MAGI1: variants seen among roughly 807,000 people sequenced by gnomAD.
The protein encoded by MAGI1 is membrane-associated guanylate kinase, WW and PDZ domain-containing protein 1.
Under a neutral mutation model 139.9 loss-of-function variants are expected in MAGI1, and 58 were observed. The ratio of observed to expected loss-of-function variants is 0.41; its 90% CI spans 0.34 to 0.52. The LOEUF (loss-of-function observed/expected upper bound fraction) is 0.52. Among genes scored for constraint, MAGI1 ranks in the 20% least tolerant of loss-of-function variants. The pLI is 0.12. For synonymous variants in MAGI1, 812 were observed against 737.9 expected, an observed-to-expected ratio of 1.10 and a Z score of -1.63; for missense variants, 1,874 against 1,901.6, an observed-to-expected ratio of 0.99 and a Z score of 0.27.
intron 2 of MAGI1, among the ~76,000 whole-genome samples, chr3:65,581,410 C>T (rs1559690704): frequency 6.6e-6 from 1 of 152,028 alleles, no homozygotes; most frequent in Non-Finnish European, 1.5e-5. Context: ...GCTCAAAAAC[C>T]CAAAAACCTA....
chr3:65,913,837 TACC>T (rs2061776776), intron 1 of MAGI1, among the ~76,000 whole-genome samples: 1 of 152,022 alleles, frequency 6.6e-6, no homozygotes, highest in Non-Finnish European at 1.5e-5. Flanking sequence ...GTGAGTAGAG[TACC>T]ATGGAGGAAT....
chr3:66,032,512 G>A (rs575093877), intron 1 of MAGI1, among the ~76,000 whole-genome samples: 228 of 148,066 alleles, frequency 1.5e-3, no homozygotes, highest in African/African-American at 4.5e-3. Flanking sequence ...GAGCCACCAC[G>A]CCTGGCCCTG....
At chr3:65,448,618 A>G (rs1948820303) in intron 6 of MAGI1, among the ~76,000 whole-genome samples, 1 of 152,102 alleles carries the variant, frequency 6.6e-6, no homozygotes, top group African/African-American at 2.4e-5. Context: ...TCAAGATAAA[A>G]TATATCAAAG....
chr3:65,432,980 C>T (rs2107359071), intron 10 of MAGI1, among the ~76,000 whole-genome samples: 1 of 152,228 alleles, frequency 6.6e-6, no homozygotes, highest in Non-Finnish European at 1.5e-5. Context: ...TAGCATTTAC[C>T]ACCTTCCAAA....
chr3:65,398,368 G>A (rs1944562830), intron 13 of MAGI1, among the ~76,000 whole-genome samples: 1 of 152,132 alleles, frequency 6.6e-6, no homozygotes, highest in African/African-American at 2.4e-5. Flanking sequence ...AGGCATGGTG[G>A]TGCATACCTA....
At chr3:65,704,906 T>C (rs1433401743) in intron 1 of MAGI1, among the ~76,000 whole-genome samples, 1 of 152,104 alleles carries the variant, frequency 6.6e-6, no homozygotes, top group Non-Finnish European at 1.5e-5. Context: ...ATCCCTATTT[T>C]CCTTCTAGAC....
chr3:65,729,444 T>G (rs957195047), intron 1 of MAGI1, among the ~76,000 whole-genome samples: 21 of 152,198 alleles, frequency 1.4e-4, no homozygotes, highest in African/African-American at 4.3e-4. Flanking sequence ...CTATGCACAG[T>G]AGACAATATA....
At chr3:65,363,742 T>A in intron 20 of MAGI1, 134 bp from the exon 21 acceptor site, 1 of 691,566 alleles carries the variant, frequency 1.4e-6, no homozygotes, top group Admixed American at 3.0e-5. Context: ...TCTTGATTCA[T>A]CCTCATTAAT....
intron 2 of MAGI1, among the ~76,000 whole-genome samples, chr3:65,498,075 G>A (rs1330669835): frequency 3.3e-5 from 5 of 152,066 alleles, no homozygotes; most frequent in South Asian, 4.1e-4. Flanking sequence ...AGGGGACCCC[G>A]CCTTCTCTTT....
chr3:65,771,320 A>C (rs2037938396), intron 1 of MAGI1, among the ~76,000 whole-genome samples: 1 of 152,010 alleles, frequency 6.6e-6, no homozygotes, highest in Non-Finnish European at 1.5e-5. Context: ...GTCTCAAAAA[A>C]AAAAAAAGAA....
intron 2 of MAGI1, among the ~76,000 whole-genome samples, chr3:65,594,613 CAG>C (rs1466590792): frequency 2.6e-5 from 4 of 152,094 alleles, no homozygotes; most frequent in African/African-American, 9.7e-5. Context: ...CAGAGGGTGT[CAG>C]TATGACTGCG....
intron 2 of MAGI1, among the ~76,000 whole-genome samples, chr3:65,612,336 T>C (rs1301808119): frequency 6.6e-6 from 1 of 152,092 alleles, no homozygotes; most frequent in African/African-American, 2.4e-5. Context: ...CAGCTTGTCA[T>C]TTGTCCTCTC....
chr3:65,744,381 C>T (rs2035521414), intron 1 of MAGI1, among the ~76,000 whole-genome samples: 1 of 152,156 alleles, frequency 6.6e-6, no homozygotes. Flanking sequence ...CCTCCGAGGG[C>T]CCAAAGTATA....
At chr3:65,968,705 T>C (rs1452011592) in intron 1 of MAGI1, among the ~76,000 whole-genome samples, 2 of 152,062 alleles carry the variant, frequency 1.3e-5, no homozygotes, top group African/African-American at 4.8e-5. Context: ...GAAGTCAGGA[T>C]ATTAGAGACT....
intron 1 of MAGI1, among the ~76,000 whole-genome samples, chr3:65,969,356 G>A (rs919524803): frequency 3.3e-5 from 5 of 152,148 alleles, no homozygotes; most frequent in African/African-American, 1.2e-4. Flanking sequence ...TTAGGGGCTG[G>A]GGGGTGGCTG....
Position 65,586,208 on chromosome 3 carries a change from T to TA in MAGI1, c.430+35763dup, listed in dbSNP as rs1289026194. 2.5e-3 allele frequency among the ~76,000 whole-genome samples: 352 copies of TA among 139,796 alleles called. 1 individual carries two copies. Among genetic ancestry groups the TA allele is most frequent in the Non-Finnish European group, 3.7e-3 (236 of 63,958 alleles). 91.7% of individuals were successfully genotyped at this position (139,796 alleles called of 152,430 possible). The stretch of plus-strand genomic sequence containing the variant: ...CTGAGCAACAGAAAGAGACCCTGTC[T>TA]AAAAAAAAAAAGCAACAACAGGGAT... On this transcript the variant is annotated intron_variant, in intron 2 of 22. Transcript: ENST00000402939.
chr3:65,931,873 A>G (rs182233579), intron 1 of MAGI1, among the ~76,000 whole-genome samples: 16 of 151,976 alleles, frequency 1.1e-4, no homozygotes, highest in African/African-American at 2.9e-4. Flanking sequence ...CTGTGACTAG[A>G]GAAGGGTAAG....
intron 1 of MAGI1, among the ~76,000 whole-genome samples, chr3:65,749,046 C>T (rs1220298535): frequency 6.6e-6 from 1 of 152,172 alleles, no homozygotes; most frequent in South Asian, 2.1e-4. Flanking sequence ...AGAGCTCAGG[C>T]ACTACTATAA....
In MAGI1 at chr3:65,416,160, TA is replaced by T. The variant is rs553124598; in HGVS notation, c.2167+13359del. 1.1e-4 allele frequency among the ~76,000 whole-genome samples: 17 copies of T among 152,324 alleles called. No individual in the cohort carries two copies. The East Asian group carries it at 3.3e-3, about 29-fold the overall frequency. ...TTTATGTAACTATAAGAAAGCTTTT[TA>T]AAACATAGCTTTTACACAGGTTCAT... is the stretch of plus-strand genomic sequence containing the variant. On this transcript the variant is annotated intron_variant, in intron 12 of 22. Transcript: ENST00000402939.
Sources: gnomAD v4.1 joint callset for allele counts (sites outside exome capture counted in the v4.1 genomes callset) on GRCh38, gnomAD v4.1.1 for gene constraint, MANE v1.5 for transcripts, NCBI Gene and HGNC (gene_info 2026-07-23, HGNC 2026-07-21) for gene names.